Variants in FAM227A observed in about 807,000 individuals in gnomAD.
FAM227A encodes the protein protein FAM227A.
A neutral mutation model predicts 74.7 loss-of-function variants in FAM227A; 80 were observed. That is an observed-to-expected ratio of 1.07 (90% confidence interval 0.89 to 1.29). The LOEUF is 1.29. Among genes scored for constraint, FAM227A ranks in the 50% most tolerant of loss-of-function variants. The pLI, the probability that FAM227A is intolerant of heterozygous loss-of-function variation, is 0.00. For synonymous variants in FAM227A, 237 were observed against 241.8 expected (o/e 0.98, Z 0.19); for missense variants, 654 against 683.4 (o/e 0.96, Z 0.48).
In FAM227A at chr22:38,597,220, G is replaced by A; in HGVS notation, c.1516C>T (p.Gln506Ter). 6.4e-7 allele frequency: 1 copy of A among 1,552,246 alleles called. No homozygotes were observed. The highest frequency in any genetic ancestry group is 8.7e-7 in the Non-Finnish European group (1 of 1,147,078). ...NYFDKHLKELQDNFSREMKNI... is the reference protein window; with the variant it reads ...NYFDKHLKEL ...CTTCCATACCTGGAGAAGTTGTCTT[G>A]CAGCTCCTTTAGATGCTTGTCAAAA... Residue 506 changes from glutamine to a stop codon, truncating the protein, a stop_gained, in exon 15 of 17, where the codon CAA becomes TAA. Coordinates refer to ENST00000535113, the MANE Select transcript of FAM227A (RefSeq NM_001013647.2). LOFTEE classifies it high-confidence loss of function.
intron 1 of FAM227A, among the ~76,000 whole-genome samples, chr22:38,654,451 C>G (rs994433949): frequency 1.3e-5 from 2 of 152,044 alleles, no homozygotes; most frequent in Non-Finnish European, 2.9e-5. Context: ...CCAGACTGTG[C>G]TGGCCATCAA....
chr22:38,638,094 G>A (rs1014257291), intron 5 of FAM227A, among the ~76,000 whole-genome samples: 3 of 152,186 alleles, frequency 2.0e-5, no homozygotes, highest in Non-Finnish European at 2.9e-5. Flanking sequence ...GAACCCTGGG[G>A]GCGGAGGTTG....
intron 16 of FAM227A, among the ~76,000 whole-genome samples, chr22:38,589,189 A>T (rs1454366911): frequency 2.6e-5 from 4 of 152,130 alleles, no homozygotes; most frequent in Non-Finnish European, 5.9e-5. Flanking sequence ...GATTGGAGTG[A>T]GGCCTCTACA....
chr22:38,650,294 A>C, intron 1 of FAM227A, 32 bp from the exon 2 acceptor site: 6 of 920,330 alleles, frequency 6.5e-6, no homozygotes, highest in Non-Finnish European at 9.7e-6. Context: ...GAGCCAGCTC[A>C]GAAAACACAA....
intron 9 of FAM227A, among the ~76,000 whole-genome samples, chr22:38,625,146 T>C (rs1160392353): frequency 1.3e-5 from 2 of 151,922 alleles, no homozygotes; most frequent in Admixed American, 6.6e-5. Flanking sequence ...TCCCAGCACT[T>C]TGGGAGGCCT....
At chr22:38,598,526 AGTT>A (rs1200485407) in intron 14 of FAM227A, among the ~76,000 whole-genome samples, 4 of 152,252 alleles carry the variant, frequency 2.6e-5, no homozygotes, top group East Asian at 1.9e-4. Flanking sequence ...ATGAAATGTG[AGTT>A]GTTGTTATTA....
intron 13 of FAM227A, 69 bp from the exon 14 acceptor site, chr22:38,599,990 A>G: frequency 7.4e-7 from 1 of 1,358,410 alleles, no homozygotes; most frequent in Non-Finnish European, 9.8e-7. Flanking sequence ...AGAACCAGAA[A>G]GGCATCAAAG....
chr22:38,615,915 T>C (rs1445390827), intron 11 of FAM227A, among the ~76,000 whole-genome samples: 3 of 151,984 alleles, frequency 2.0e-5, no homozygotes, highest in African/African-American at 4.8e-5. Context: ...CTCACCTGGA[T>C]TGAGGTTCCT....
chr22:38,654,817 G>A (rs905847968), intron 1 of FAM227A, among the ~76,000 whole-genome samples: 6 of 150,824 alleles, frequency 4.0e-5, no homozygotes, highest in Admixed American at 1.3e-4. Context: ...GCTTGGTGGC[G>A]GGCGCCTGTA....
chr22:38,595,545 C>A (rs2091025667), intron 15 of FAM227A, among the ~76,000 whole-genome samples: 1 of 152,228 alleles, frequency 6.6e-6, no homozygotes, highest in African/African-American at 2.4e-5. Flanking sequence ...GCAAAGACCA[C>A]TGATGAGTGC....
intron 14 of FAM227A, 37 bp downstream of exon 14, chr22:38,599,727 G>C (rs2091130670): frequency 2.6e-6 from 4 of 1,522,286 alleles, no homozygotes; most frequent in African/African-American, 2.8e-5. Context: ...GCGGGGGCCT[G>C]GAGCAGTGCG....
rs1053752945 is a variant in FAM227A, at chr22:38,586,216, C to T, written c.1639-17G>A. The T allele has an allele frequency of 6.5e-6, 10 of 1,543,858 alleles. No homozygotes were observed. The highest frequency in any genetic ancestry group is 4.8e-5 in the South Asian group (4 of 83,340). ...TTTCCCCTCCTGTGGGGGAAACAAA[C>T]GAACAAAAACAAAAATTAATTTAAA... On this transcript the variant is annotated splice_polypyrimidine_tract_variant and intron_variant, in intron 16 of 16. Coordinates refer to ENST00000535113, the MANE Select transcript of FAM227A (RefSeq NM_001013647.2).
chr22:38,582,551 T>A lies in FAM227A; in HGVS notation c.*3574A>T. On this transcript the variant is annotated 3_prime_UTR_variant, in exon 17 of 17. Coordinates refer to ENST00000535113, the MANE Select transcript of FAM227A (RefSeq NM_001013647.2). ...AATTCTTCCCCATAATTTTCCCTTC[T>A]AATGTTTACAAAGGGCAGAGACAGG... The A allele has an allele frequency of 1.0e-6, 1 of 966,222 alleles. No individual in the cohort carries two copies. Among genetic ancestry groups the A allele is most frequent in the Non-Finnish European group, 1.5e-6 (1 of 660,076 alleles). The allele number at this position is 966,222 out of a possible 1,614,324, so 59.9% of individuals were successfully genotyped here.
intron 6 of FAM227A, 147 bp from the exon 7 acceptor site, chr22:38,629,082 C>A: frequency 3.5e-6 from 2 of 578,434 alleles, no homozygotes; most frequent in Non-Finnish European, 6.1e-6. Context: ...TCATTTAACC[C>A]CTATAATAGT....
chr22:38,632,267 T>TC (rs1437891814), intron 6 of FAM227A, among the ~76,000 whole-genome samples: 1 of 152,106 alleles, frequency 6.6e-6, no homozygotes, highest in African/African-American at 2.4e-5. Flanking sequence ...CTGAATGTGT[T>TC]CCCCAAAGTT....
At chr22:38,604,407 T>C (rs1403089649) in intron 13 of FAM227A, among the ~76,000 whole-genome samples, 1 of 152,224 alleles carries the variant, frequency 6.6e-6, no homozygotes, top group Non-Finnish European at 1.5e-5. Context: ...CCTTGCTAGC[T>C]GGTGCCTGGG....
At chr22:38,639,094 C>G (rs1340930010) in intron 4 of FAM227A, among the ~76,000 whole-genome samples, 1 of 151,930 alleles carries the variant, frequency 6.6e-6, no homozygotes, top group Non-Finnish European at 1.5e-5. Context: ...TTAAATGGTA[C>G]CTACTTCCCA....
intron 2 of FAM227A, among the ~76,000 whole-genome samples, chr22:38,647,998 G>T (rs910907062): frequency 6.6e-6 from 1 of 152,172 alleles, no homozygotes; most frequent in African/African-American, 2.4e-5. Flanking sequence ...AGGAAGGTGA[G>T]GGGGGCAGAG....
Position 38,607,436 on chromosome 22 carries a change from G to A in FAM227A, c.1079C>T (p.Ala360Val). Residue 360 changes from alanine to valine, a missense_variant, in exon 12 of 17, where the codon GCC becomes GTC. Ala to Val is a moderately conservative substitution (Grantham distance 64, BLOSUM62 0). Transcript: ENST00000535113. Reference sequence around the variant, plus strand: ...TAAGCTTTTTTCTGAGTTCTGCTTGGCCGAAGAGGTTTTTTCACTGGGTGA... The same window carrying A: ...TAAGCTTTTTTCTGAGTTCTGCTTGACCGAAGAGGTTTTTTCACTGGGTGA... The part of the protein sequence containing the change: ...ANSPSEKTSS[A>V]KQNSEKSLRM... The A allele has an allele frequency of 6.4e-7, 1 of 1,551,462 alleles. No individual in the cohort carries two copies. Among genetic ancestry groups the A allele is most frequent in the Non-Finnish European group, 8.7e-7 (1 of 1,146,914 alleles).
Sources: gnomAD v4.1 joint callset for allele counts (sites outside exome capture counted in the v4.1 genomes callset) on GRCh38, gnomAD v4.1.1 for gene constraint, MANE v1.5 for transcripts, NCBI Gene and HGNC (gene_info 2026-07-23, HGNC 2026-07-21) for gene names.